RBFOX1: variants seen among roughly 807,000 people sequenced by gnomAD.
RBFOX1 encodes the protein RNA binding fox-1 homolog 1, also known as RNA binding protein fox-1 homolog 1.
In RBFOX1, 8 loss-of-function variants were observed where a neutral mutation model predicts 57.7. The ratio of observed to expected loss-of-function variants is 0.14; its 90% CI spans 0.08 to 0.25. RBFOX1 has a LOEUF of 0.25. RBFOX1 is among the 10% of genes least tolerant of loss of function. The pLI is 1.00. For missense variants in RBFOX1, 611 were observed against 548.5 expected, an observed-to-expected ratio of 1.11 and a Z score of -1.14; for synonymous variants, 326 against 222.4, an observed-to-expected ratio of 1.47 and a Z score of -4.15.
At chr16:5,819,194 G>A (rs758571971) in intron 3 of RBFOX1, among the ~76,000 whole-genome samples, 2 of 152,190 alleles carry the variant, frequency 1.3e-5, no homozygotes, top group Non-Finnish European at 2.9e-5. Flanking sequence ...AGCAGCTTCA[G>A]TGTCTGCTAA....
intron 3 of RBFOX1, among the ~76,000 whole-genome samples, chr16:5,681,244 T>A (rs1402569512): frequency 6.6e-6 from 1 of 150,810 alleles, no homozygotes; most frequent in Non-Finnish European, 1.5e-5. Context: ...TGGCTAATTT[T>A]TTTTTTTTTT....
chr16:7,257,315 T>C (rs1031287073), intron 4 of RBFOX1, among the ~76,000 whole-genome samples: 6 of 152,262 alleles, frequency 3.9e-5, no homozygotes, highest in African/African-American at 7.2e-5. Context: ...TTCCTGTGTA[T>C]TTCCCACCAC....
chr16:6,919,333 TG>T, intron 3 of RBFOX1, among the ~76,000 whole-genome samples: 1 of 152,274 alleles, frequency 6.6e-6, no homozygotes, highest in Non-Finnish European at 1.5e-5. Flanking sequence ...CCTGTTTACA[TG>T]TATTAATTTC....
intron 3 of RBFOX1, among the ~76,000 whole-genome samples, chr16:5,638,539 T>G (rs775073962): frequency 1.3e-5 from 2 of 152,144 alleles, no homozygotes; most frequent in African/African-American, 4.8e-5. Context: ...ACAAACACAG[T>G]GGCATCTTTG....
At chr16:6,728,487 TA>T (rs1425118308) in intron 3 of RBFOX1, among the ~76,000 whole-genome samples, 1 of 152,170 alleles carries the variant, frequency 6.6e-6, no homozygotes, top group East Asian at 1.9e-4. Flanking sequence ...TTACATAATA[TA>T]AAGGGAAGAT....
Position 6,101,612 on chromosome 16 carries a change from G to C in RBFOX1, c.-127+81620G>C, listed in dbSNP as rs540228368. Among the ~76,000 whole-genome samples, 173 of 152,188 alleles carry C rather than the reference G, an allele frequency of 1.1e-3. 2 individuals are homozygous for C. The South Asian group carries it at 0.033, about 29-fold the overall frequency. ...AGTGATACTCCTGCCTCACCCTCCG[G>C]AGTAGCTGGGATTACAGGCACTGGC... On this transcript the variant is annotated intron_variant, in intron 1 of 15. Transcript: ENST00000550418.
chr16:6,667,373 T>G (rs1442819055), intron 3 of RBFOX1, among the ~76,000 whole-genome samples: 3 of 152,136 alleles, frequency 2.0e-5, no homozygotes, highest in Non-Finnish European at 4.4e-5. Context: ...ATGCCAGGTG[T>G]AATCGTGTGG....
chr16:6,686,491 G>A (rs13338102), intron 3 of RBFOX1, among the ~76,000 whole-genome samples: 5,450 of 152,220 alleles, frequency 0.036, 310 homozygotes, highest in African/African-American at 0.12. Context: ...TGGTTGTGTC[G>A]TTTAAGTTCT....
At chr16:6,793,659 T>G (rs1403265902) in intron 3 of RBFOX1, among the ~76,000 whole-genome samples, 1 of 152,212 alleles carries the variant, frequency 6.6e-6, no homozygotes, top group African/African-American at 2.4e-5. Flanking sequence ...GCCAAAGTAT[T>G]ATAACTTGCT....
intron 5 of RBFOX1, among the ~76,000 whole-genome samples, chr16:7,542,881 C>G (rs909143753): frequency 3.3e-5 from 5 of 151,108 alleles, no homozygotes; most frequent in Non-Finnish European, 5.9e-5. Flanking sequence ...AAGGATCTAG[C>G]TAGGCACACA....
intron 3 of RBFOX1, among the ~76,000 whole-genome samples, chr16:6,871,632 C>G (rs1456497200): frequency 1.3e-5 from 2 of 152,094 alleles, no homozygotes; most frequent in East Asian, 1.9e-4. Context: ...ACTCTTCCCT[C>G]CTGCCTGGAG....
intron 2 of RBFOX1, among the ~76,000 whole-genome samples, chr16:6,348,060 G>A (rs2085673343): frequency 6.6e-6 from 1 of 152,220 alleles, no homozygotes; most frequent in Admixed American, 6.5e-5. Context: ...TATCCTAAGT[G>A]TGGGAGGCAG....
intron 4 of RBFOX1, among the ~76,000 whole-genome samples, chr16:7,228,415 A>T (rs1423738061): frequency 6.6e-6 from 1 of 152,224 alleles, no homozygotes; most frequent in Admixed American, 6.5e-5. Flanking sequence ...ATGAAAACCT[A>T]AATCATTATG....
At chr16:6,170,553 G>T (rs1426757802) in intron 1 of RBFOX1, among the ~76,000 whole-genome samples, 1 of 152,284 alleles carries the variant, frequency 6.6e-6, no homozygotes, top group Non-Finnish European at 1.5e-5. Context: ...ATAAATGTCA[G>T]AATACACTCA....
chr16:6,501,938 G>C (rs1163852882), intron 2 of RBFOX1, among the ~76,000 whole-genome samples: 1 of 152,176 alleles, frequency 6.6e-6, no homozygotes, highest in African/African-American at 2.4e-5. Flanking sequence ...TGAGGAGATA[G>C]TGGTGAACAA....
chr16:5,726,244 T>C (rs551729722), intron 3 of RBFOX1, among the ~76,000 whole-genome samples: 35 of 152,066 alleles, frequency 2.3e-4, no homozygotes, highest in Non-Finnish European at 4.4e-4. Flanking sequence ...TGCAGATAAA[T>C]TGGCCTTTAT....
At chr16:6,787,118 C>A (rs1468897730) in intron 3 of RBFOX1, among the ~76,000 whole-genome samples, 1 of 152,100 alleles carries the variant, frequency 6.6e-6, no homozygotes, top group Non-Finnish European at 1.5e-5. Flanking sequence ...GCAATGATTT[C>A]CTGCCCCAAT....
At chr16:5,830,515 C>T (rs144273208) in intron 3 of RBFOX1, among the ~76,000 whole-genome samples, 1 of 151,942 alleles carries the variant, frequency 6.6e-6, no homozygotes, top group Non-Finnish European at 1.5e-5. Context: ...CTGGGTATGA[C>T]CCTCGGGAGA....
At chr16:6,914,457 T>A (rs1027053519) in intron 3 of RBFOX1, among the ~76,000 whole-genome samples, 1 of 151,904 alleles carries the variant, frequency 6.6e-6, no homozygotes, top group Non-Finnish European at 1.5e-5. Flanking sequence ...TTTGCATTAA[T>A]AAGAACACAG....
Sources: allele counts gnomAD v4.1 joint callset (sites outside exome capture counted in the v4.1 genomes callset), GRCh38; gene constraint gnomAD v4.1.1; transcripts MANE v1.5; gene names NCBI Gene and HGNC (gene_info 2026-07-23, HGNC 2026-07-21).